Variants in ZNF875 observed in about 807,000 individuals in gnomAD.
ZNF875 encodes the protein HKR1, GLI-Kruppel zinc finger family member.
In ZNF875, 14 loss-of-function variants were observed where a neutral mutation model predicts 11.2. The ratio of observed to expected loss-of-function variants is 1.26; its 90% CI spans 0.83 to 1.96. The LOEUF (loss-of-function observed/expected upper bound fraction) is 1.96. ZNF875 is among the 30% of genes most tolerant of loss of function. The pLI is 0.00. For synonymous variants in ZNF875, 301 were observed against 281.1 expected (o/e 1.07, Z -0.71); for missense variants, 752 against 760.4 (o/e 0.99, Z 0.13).
chr19:37,332,938 G>A (rs2033629852), upstream of ZNF875, among the ~76,000 whole-genome samples: 1 of 152,160 alleles, frequency 6.6e-6, no homozygotes, highest in South Asian at 2.1e-4. Flanking sequence ...GTGTATCATT[G>A]TACTTGGCAC....
chr19:37,335,618 T>G (rs2034199291), intron 2 of ZNF875, among the ~76,000 whole-genome samples: 1 of 151,868 alleles, frequency 6.6e-6, no homozygotes, highest in Non-Finnish European at 1.5e-5. Flanking sequence ...AGTTAGGGGG[T>G]GGTGATTGTC....
intron 2 of ZNF875, chr19:37,344,948 C>T: frequency 1.7e-6 from 1 of 582,764 alleles, no homozygotes; most frequent in Non-Finnish European, 3.2e-6. Context: ...TAATGATGAA[C>T]AGTTTCAGAC....
Position 37,364,072 on chromosome 19 carries a change from A to G in ZNF875, c.*297A>G. 1 of 370,162 alleles carries G rather than the reference A, an allele frequency of 2.7e-6. No individual in the cohort carries two copies. 22.9% of individuals were successfully genotyped at this position (370,162 alleles called of 1,614,324 possible). On this transcript the variant is annotated 3_prime_UTR_variant, in exon 5 of 5. Coordinates refer to ENST00000392153, the MANE Select transcript of ZNF875 (RefSeq NM_001353803.2). ...AGGAGGCAGTCAAATGCCCAGGCAG[A>G]TAGGGGTGGGTACCTGGTGAAACCC...
chr19:37,321,651 C>G (rs2031486044), intron 1 of ZNF875, among the ~76,000 whole-genome samples: 1 of 152,186 alleles, frequency 6.6e-6, no homozygotes, highest in South Asian at 2.1e-4. Context: ...AAGAAACACC[C>G]TCAGGTGTGG....
chr19:37,314,360 C>T (rs1435381116), upstream of ZNF875, among the ~76,000 whole-genome samples: 1 of 152,160 alleles, frequency 6.6e-6, no homozygotes, highest in Admixed American at 6.5e-5. Flanking sequence ...AAATGATACT[C>T]CCACCTTGGC....
intron 1 of ZNF875, among the ~76,000 whole-genome samples, chr19:37,320,719 G>T (rs1029181403): frequency 2.2e-4 from 34 of 152,204 alleles, no homozygotes; most frequent in African/African-American, 7.7e-4. Context: ...TGTTGGAAGA[G>T]GGGGCTCAGC....
At chr19:37,316,463 G>A (rs1234523822), upstream of ZNF875, among the ~76,000 whole-genome samples, 2 of 151,810 alleles carry the variant, frequency 1.3e-5, no homozygotes, top group Non-Finnish European at 2.9e-5. Flanking sequence ...TCCCCCTCCC[G>A]GGTTCAAACG....
intron 1 of ZNF875, among the ~76,000 whole-genome samples, chr19:37,320,171 G>A (rs1440980177): frequency 6.6e-6 from 1 of 152,160 alleles, no homozygotes; most frequent in Non-Finnish European, 1.5e-5. Flanking sequence ...CACCGCACCC[G>A]GCCATAACTC....
chr19:37,319,708 CAGAT>C (rs1308985040), intron 1 of ZNF875, among the ~76,000 whole-genome samples: 1 of 152,110 alleles, frequency 6.6e-6, no homozygotes, highest in Non-Finnish European at 1.5e-5. Context: ...ATCCGTTACT[CAGAT>C]GGGTGTCCTT....
intron 1 of ZNF875, among the ~76,000 whole-genome samples, chr19:37,320,889 C>T (rs542725641): frequency 4.0e-4 from 61 of 152,282 alleles, no homozygotes; most frequent in African/African-American, 1.5e-3. Flanking sequence ...AATTATTCTG[C>T]CTTGAGATGC....
exon 1 of ZNF875, chr19:37,318,129 C>T (rs2030403032): frequency 6.5e-6 from 1 of 154,134 alleles, no homozygotes; most frequent in Non-Finnish European, 1.5e-5. Flanking sequence ...TCGTGGGCGC[C>T]CGCACTGACT....
upstream of ZNF875, among the ~76,000 whole-genome samples, chr19:37,314,542 G>GGACT (rs1195788958): frequency 1.3e-4 from 20 of 152,206 alleles, no homozygotes; most frequent in East Asian, 3.7e-3. Context: ...ACTCAATCTT[G>GGACT]GACTGGGTAT....
intron 4 of ZNF875, among the ~76,000 whole-genome samples, chr19:37,325,550 C>CT (rs34494440): frequency 0.21 from 31,373 of 146,310 alleles, 3,468 homozygotes; most frequent in South Asian, 0.33. Flanking sequence ...AAATCATTTA[C>CT]TTTTTTTTTT....
rs1232866153 is a variant in ZNF875, at chr19:37,363,733, G to T, written c.1881G>T (p.Arg627=). 5 of 1,613,954 alleles carry T rather than the reference G, an allele frequency of 3.1e-6. No homozygotes were observed. In the Admixed American group the frequency reaches 6.7e-5, roughly 22 times the overall value. The change falls in exon 5 of 5, where the codon CGG becomes CGT. Residue 627 remains arginine (R), a synonymous_variant. Coordinates refer to ENST00000392153, the MANE Select transcript of ZNF875 (RefSeq NM_001353803.2). ...ICRKCGRGFS[R]KSNLIRHQRT... ...GAAAGTGTGGACGGGGCTTTAGTCG[G>T]AAGTCCAACCTTATCAGACATCAGA...
intron 2 of ZNF875, among the ~76,000 whole-genome samples, chr19:37,340,560 G>A (rs112529318): frequency 0.013 from 1,901 of 150,618 alleles, 36 homozygotes; most frequent in East Asian, 0.055. Context: ...TTCAAATATT[G>A]TATCCTGTTG....
chr19:37,356,112 T>G lies in ZNF875; in HGVS notation c.257-5997T>G, dbSNP rs561612330. ...TGTTGCTGCAGAGGACATGATTTCA[T>G]TCTTTTTTATGGCTGCATAGTATTT... On this transcript the variant is annotated intron_variant, in intron 4 of 4. Transcript: ENST00000392153. Among the ~76,000 whole-genome samples, 3 of 152,348 alleles carry G rather than the reference T, an allele frequency of 2.0e-5. No individual in the cohort carries two copies. In the South Asian group the frequency reaches 6.2e-4, roughly 32 times the overall value.
intron 2 of ZNF875, among the ~76,000 whole-genome samples, chr19:37,342,929 C>T (rs1367374361): frequency 6.6e-6 from 1 of 152,178 alleles, no homozygotes; most frequent in Non-Finnish European, 1.5e-5. Flanking sequence ...AATAGTTTTC[C>T]TGGATGCTTT....
At position 37,363,587 on chromosome 19, in the gene ZNF875, C is replaced by T; in HGVS notation, c.1735C>T (p.Gln579Ter). The T allele has an allele frequency of 6.2e-7, 1 of 1,613,812 alleles. No individual in the cohort carries two copies. Among genetic ancestry groups the T allele is most frequent in the East Asian group, 2.2e-5 (1 of 44,828 alleles). ...TGCTAAGTTAACTCTCATTAAACAC[C>T]AGAGAGCACACGCAGGGGGGAAGCC... The part of the protein sequence containing the change: ...FCAKLTLIKH[Q>*]RAHAGGKPHV... The change falls in exon 5 of 5, where the codon CAG becomes TAG. Residue 579 changes from glutamine (Q) to a stop codon, truncating the protein, a stop_gained. Transcript: ENST00000392153. LOFTEE classifies it low-confidence loss of function (END_TRUNC).
intron 4 of ZNF875, among the ~76,000 whole-genome samples, chr19:37,356,258 T>C (rs1568640598): frequency 6.6e-6 from 1 of 152,184 alleles, no homozygotes; most frequent in Non-Finnish European, 1.5e-5. Context: ...AGGTGTCTTC[T>C]GGTAGAACAA....
Sources: allele counts gnomAD v4.1 joint callset (sites outside exome capture counted in the v4.1 genomes callset), GRCh38; gene constraint gnomAD v4.1.1; transcripts MANE v1.5; gene names NCBI Gene and HGNC (gene_info 2026-07-23, HGNC 2026-07-21).